OTUD5: variants seen among roughly 807,000 people sequenced by gnomAD.
OTUD5 encodes OTU deubiquitinase 5.
Under a neutral mutation model 36.3 loss-of-function variants are expected in OTUD5, and 2 were observed. The ratio of observed to expected loss-of-function variants is 0.06; its 90% CI spans 0.02 to 0.17. The LOEUF is 0.17. Ranked by LOEUF, OTUD5 falls within the 10% of genes least tolerant of loss-of-function variation. The probability of loss-of-function intolerance (pLI) is 1.00; values close to 1 mark genes in which losing one functional copy is unlikely to be tolerated. For missense variants in OTUD5, 233 were observed against 512.3 expected (o/e 0.45, Z 5.26); for synonymous variants, 234 against 214.9 (o/e 1.09, Z -0.78).
chrX:48,937,543 G>A (rs991393949), intron 2 of OTUD5, among the ~76,000 whole-genome samples: 4 of 112,319 alleles, frequency 3.6e-5, no homozygotes, highest in Non-Finnish European at 7.5e-5. Context: ...CTGTGGAACA[G>A]GGAAGGGATC....
chrX:48,955,778 G>A (rs1259105283), intron 1 of OTUD5, among the ~76,000 whole-genome samples: 1 of 111,227 alleles, frequency 9.0e-6, no homozygotes, highest in Non-Finnish European at 1.9e-5. Flanking sequence ...GTATCCCCAA[G>A]GTATGTTTCA....
intron 5 of OTUD5, among the ~76,000 whole-genome samples, chrX:48,927,766 T>G (rs1557048019): frequency 9.0e-6 from 1 of 111,373 alleles, no homozygotes; most frequent in South Asian, 3.8e-4. Context: ...GTGATCAACC[T>G]AATCTTCAGC....
intron 2 of OTUD5, among the ~76,000 whole-genome samples, chrX:48,942,308 AC>A: frequency 2.0e-5 from 2 of 101,219 alleles, no homozygotes; most frequent in East Asian, 6.2e-4. Flanking sequence ...ATACACACAC[AC>A]ACACACACAC....
intron 1 of OTUD5, among the ~76,000 whole-genome samples, chrX:48,947,946 G>A (rs1167351527): frequency 8.9e-6 from 1 of 111,978 alleles, no homozygotes; most frequent in Non-Finnish European, 1.9e-5. Context: ...GAAGAAAGAT[G>A]AACTCATATT....
chrX:48,924,618 G>A (rs931995513), intron 6 of OTUD5, among the ~76,000 whole-genome samples: 3 of 111,562 alleles, frequency 2.7e-5, no homozygotes, highest in Admixed American at 1.9e-4. Context: ...CGGATACACC[G>A]GCCTCCCTCT....
chrX:48,929,449 G>A lies in OTUD5; in HGVS notation c.1060-3399C>T, dbSNP rs782581438. On this transcript the variant is annotated intron_variant, in intron 5 of 8. Transcript: ENST00000376488. ...AAATTAGGAGATCTATGGCCAGCGC[G>A]GTGGCTCATGCCTGTAATCCCAGCA... is the stretch of plus-strand genomic sequence containing the variant. Among the ~76,000 whole-genome samples, 14 of 110,163 alleles carry A rather than the reference G, an allele frequency of 1.3e-4. No homozygotes were observed. In the South Asian group the frequency reaches 3.5e-3, roughly 27 times the overall value.
At chrX:48,939,424 C>T (rs925526887) in intron 2 of OTUD5, among the ~76,000 whole-genome samples, 1 of 111,840 alleles carries the variant, frequency 8.9e-6, no homozygotes, top group Admixed American at 9.5e-5. Context: ...ACACACCCCA[C>T]TTCTTTCCTT....
At chrX:48,924,132 C>T in intron 6 of OTUD5, 80 bp from the exon 7 acceptor site, 2 of 937,448 alleles carry the variant, frequency 2.1e-6, no homozygotes, top group Non-Finnish European at 2.9e-6. Context: ...TGCTGGCTCC[C>T]TTCCCAGGAC....
chrX:48,942,413 A>G (rs782309660), intron 2 of OTUD5, among the ~76,000 whole-genome samples: 1 of 110,331 alleles, frequency 9.1e-6, no homozygotes, highest in South Asian at 3.9e-4. Flanking sequence ...TGACTGCCCA[A>G]GACTCAGATG....
At chrX:48,928,891 C>A (rs2063707174) in intron 5 of OTUD5, among the ~76,000 whole-genome samples, 1 of 105,605 alleles carries the variant, frequency 9.5e-6, no homozygotes, top group African/African-American at 3.5e-5. Flanking sequence ...ATATGACATT[C>A]TGAAAAAGGC....
intron 6 of OTUD5, among the ~76,000 whole-genome samples, chrX:48,924,818 A>G (rs2063637959): frequency 8.9e-6 from 1 of 112,042 alleles, no homozygotes; most frequent in South Asian, 3.7e-4. Flanking sequence ...TTCCATCCAT[A>G]GCACTTCCCA....
chrX:48,940,566 C>T (rs200651803), intron 2 of OTUD5: 2 of 112,234 alleles, frequency 1.8e-5, no homozygotes, highest in East Asian at 5.6e-4. Flanking sequence ...GCCCTTGCCA[C>T]TCCCCCATGG....
chrX:48,929,013 T>C (rs2063709160), intron 5 of OTUD5, among the ~76,000 whole-genome samples: 1 of 110,825 alleles, frequency 9.0e-6, no homozygotes, highest in South Asian at 3.8e-4. Flanking sequence ...ACTGTAATAG[T>C]AGATACATAA....
chrX:48,938,679 A>G (rs1440796120), intron 2 of OTUD5, among the ~76,000 whole-genome samples: 1 of 107,822 alleles, frequency 9.3e-6, no homozygotes, highest in South Asian at 4.0e-4. Context: ...AGGCAACAAG[A>G]GCGAAACTCT....
intron 5 of OTUD5, among the ~76,000 whole-genome samples, chrX:48,926,973 T>C (rs1183713497): frequency 8.9e-6 from 1 of 112,083 alleles, no homozygotes; most frequent in Non-Finnish European, 1.9e-5. Context: ...TGTTGTTTCA[T>C]GAAGCTTTAG....
chrX:48,940,511 T>C (rs1472644835), intron 2 of OTUD5: 2 of 111,099 alleles, frequency 1.8e-5, no homozygotes, highest in South Asian at 3.8e-4. Flanking sequence ...CCCAGAAGAG[T>C]GGGCCTAGCT....
At chrX:48,950,398 G>A (rs1557053516) in intron 1 of OTUD5, among the ~76,000 whole-genome samples, 1 of 110,480 alleles carries the variant, frequency 9.1e-6, no homozygotes, top group Non-Finnish European at 1.9e-5. Context: ...TGGCAGCCAC[G>A]AGAGGCTAGA....
At chrX:48,946,429 C>CT in intron 1 of OTUD5, among the ~76,000 whole-genome samples, 1 of 111,306 alleles carries the variant, frequency 9.0e-6, no homozygotes, top group East Asian at 2.8e-4. Flanking sequence ...CTCAGAAAGT[C>CT]CCAGGTGAGT....
At chrX:48,957,725 AGGAGGCGGC>A (rs782736468), upstream of OTUD5, 17,903 of 372,690 alleles carry the variant, frequency 0.048, 148 homozygotes, top group Non-Finnish European at 0.053. Context: ...TCGGCGGCGG[AGGAGGCGGC>A]GGCGGCGGCG....
Sources: gnomAD v4.1 joint callset for allele counts (sites outside exome capture counted in the v4.1 genomes callset) on GRCh38, gnomAD v4.1.1 for gene constraint, MANE v1.5 for transcripts, NCBI Gene and HGNC (gene_info 2026-07-23, HGNC 2026-07-21) for gene names.